The following RP1 variants were observed in gnomAD, a reference collection of about 807,000 sequenced individuals.
The protein encoded by RP1 is RP1 axonemal microtubule associated, also known as oxygen-regulated protein 1.
Under a neutral mutation model 14.8 loss-of-function variants are expected in RP1, and 16 were observed. The observed-to-expected ratio is 1.08, with a 90% confidence interval of 0.73 to 1.65. The LOEUF (loss-of-function observed/expected upper bound fraction) is 1.65, where lower values mean the gene tolerates loss of function less well. Ranked by LOEUF, RP1 falls within the 40% of genes most tolerant of loss-of-function variation. The pLI, the probability that RP1 is intolerant of heterozygous loss-of-function variation, is 0.00. For missense variants in RP1, 2,631 were observed against 2,535.0 expected (o/e 1.04, Z -0.81); for synonymous variants, 876 against 883.6 (o/e 0.99, Z 0.15).
At chr8:54,796,911 G>A (rs1323351239) in intron 24 of RP1, among the ~76,000 whole-genome samples, 2 of 152,168 alleles carry the variant, frequency 1.3e-5, no homozygotes, top group South Asian at 2.1e-4. Context: ...GGATGTTAGT[G>A]CCTTTCAAAA....
At chr8:54,737,084 G>T (rs1389772121) in intron 18 of RP1, among the ~76,000 whole-genome samples, 3 of 152,010 alleles carry the variant, frequency 2.0e-5, no homozygotes, top group Admixed American at 1.3e-4. Context: ...AGCCATTTTT[G>T]AGGACAATGT....
intron 16 of RP1, among the ~76,000 whole-genome samples, chr8:54,723,496 G>T (rs1045201309): frequency 1.3e-5 from 2 of 151,946 alleles, no homozygotes; most frequent in African/African-American, 4.8e-5. Context: ...AACTGTTCTT[G>T]CTAGCTTGTG....
In RP1 at chr8:54,629,846, A is replaced by G. The variant is rs1806201377; in HGVS notation, c.5964A>G (p.Ile1988Met). Residue 1988 changes from isoleucine to methionine, a missense_variant, in exon 4 of 4, where the codon ATA becomes ATG. Ile to Met is a conservative substitution (Grantham distance 10). Transcript: ENST00000220676. ...QNLIDNAIGD[I>M]FDQFYFSNTF... The stretch of plus-strand genomic sequence containing the variant: ...TTATTGATAATGCCATTGGTGATAT[A>G]TTTGATCAGTTTTATTTCAGTAACA... 3.1e-6 allele frequency: 5 copies of G among 1,613,754 alleles called. No individual in the cohort carries two copies. The highest frequency in any genetic ancestry group is 4.2e-6 in the Non-Finnish European group (5 of 1,179,898).
chr8:54,635,997 A>T (rs1747826110), intron 3 of RP1, among the ~76,000 whole-genome samples: 1 of 151,536 alleles, frequency 6.6e-6, no homozygotes, highest in Non-Finnish European at 1.5e-5. Context: ...CTCCCCACTG[A>T]CCCCTTGCTG....
chr8:54,859,393 A>G (rs1416990713), intron 27 of RP1, among the ~76,000 whole-genome samples: 1 of 147,690 alleles, frequency 6.8e-6, no homozygotes, highest in East Asian at 2.1e-4. Context: ...ATGGAGTGGT[A>G]TCACTGTAGG....
Position 54,621,386 on chromosome 8 carries a change from CCCCGTAGCCGTCGCTGCT to C in RP1, c.425_442del (p.Val142_Pro147del). 1 of 1,612,966 alleles carries C rather than the reference CCCCGTAGCCGTCGCTGCT, an allele frequency of 6.2e-7. No homozygotes were observed. On this transcript the variant is annotated inframe_deletion, in exon 2 of 4. Coordinates refer to ENST00000220676, the MANE Select transcript of RP1 (RefSeq NM_006269.2). Reference sequence around the variant, plus strand: ...CCATTAGCGCGCACTCACCGCCCCACCCCGTAGCCGTCGCTGCTCCCGGCATGCCCCGCCCCCCACGGA... The same window carrying C: ...CCATTAGCGCGCACTCACCGCCCCACCCCGGCATGCCCCGCCCCCCACGGA...
At chr8:54,793,440 G>A (rs1810515377) in intron 24 of RP1, among the ~76,000 whole-genome samples, 1 of 151,862 alleles carries the variant, frequency 6.6e-6, no homozygotes, top group Admixed American at 6.6e-5. Flanking sequence ...CAAAATACTG[G>A]CAAACACAAT....
At chr8:54,743,780 T>G (rs1809155554) in intron 19 of RP1, among the ~76,000 whole-genome samples, 1 of 152,196 alleles carries the variant, frequency 6.6e-6, no homozygotes, top group Non-Finnish European at 1.5e-5. Flanking sequence ...AGAATGGTTT[T>G]TAGACACCAG....
chr8:54,696,684 T>C lies in RP1; in HGVS notation c.1718-2783T>C, dbSNP rs188208439. On this transcript the variant is annotated intron_variant, in intron 12 of 22. Coordinates refer to the RP1 transcript ENST00000636932. The stretch of plus-strand genomic sequence containing the variant: ...GCCTTTGTTGTACGCATCAAAAGGA[T>C]TGATGGTGTGATTTTACTGGTGCAG... 1.8e-4 allele frequency: 134 copies of C among 744,322 alleles called. 1 individual carries two copies. In the African/African-American group the frequency reaches 2.2e-3, roughly 12 times the overall value. The allele number at this position is 744,322 out of a possible 1,614,324, so 46.1% of individuals were successfully genotyped here. A position where few individuals can be genotyped will look rare whatever the true frequency, so the allele number is the denominator to read the frequency against.
chr8:54,800,130 GT>G (rs916877812), intron 24 of RP1, among the ~76,000 whole-genome samples: 242 of 151,906 alleles, frequency 1.6e-3, no homozygotes, highest in East Asian at 9.7e-4. Context: ...TGGATTGCCA[GT>G]TTTTTTTCTT....
intron 19 of RP1, among the ~76,000 whole-genome samples, chr8:54,745,742 G>GA (rs1173214621): frequency 6.0e-5 from 9 of 150,622 alleles, no homozygotes; most frequent in South Asian, 4.2e-4. Context: ...ATGTTTCAGT[G>GA]AAAAAATGGT....
intron 3 of RP1, chr8:54,648,954 A>T (rs1269979062): frequency 6.9e-7 from 1 of 1,454,502 alleles, no homozygotes; most frequent in Non-Finnish European, 9.0e-7. Context: ...ATCAGTTGCC[A>T]TAATGCTGTA....
In RP1 at chr8:54,862,016, G is replaced by A. The variant is rs542792460; in HGVS notation, c.4070-3819G>A. On this transcript the variant is annotated intron_variant, in intron 27 of 28. Transcript: ENST00000637698. ...ACAATGTCTGGAGGCTGTTTTGGTT[G>A]TCACAGCTGGTAGGTGTTACTACCA... Among the ~76,000 whole-genome samples, 571 of 152,214 alleles carry A rather than the reference G, an allele frequency of 3.8e-3. 4 individuals are homozygous for A. The highest frequency in any genetic ancestry group is 0.013 in the African/African-American group (553 of 41,522).
rs79529880 is a variant in RP1, at chr8:54,810,728, A to T, written c.3616-26722A>T. Among the ~76,000 whole-genome samples the T allele has an allele frequency of 2.1e-3, 326 of 152,310 alleles. 4 individuals are homozygous for T. Among genetic ancestry groups the T allele is most frequent in the African/African-American group, 7.2e-3 (301 of 41,582 alleles). ...CAACACTGTGCCTGCTTGCTGTTTAATGTTGTTCCTGGAGAAGAGGGAAGG... is the reference window on the plus strand; with the variant it reads ...CAACACTGTGCCTGCTTGCTGTTTATTGTTGTTCCTGGAGAAGAGGGAAGG... On this transcript the variant is annotated intron_variant, in intron 24 of 28. Coordinates refer to the RP1 transcript ENST00000637698.
chr8:54,845,520 C>A (rs895165470), intron 25 of RP1, among the ~76,000 whole-genome samples: 1 of 152,194 alleles, frequency 6.6e-6, no homozygotes, highest in Non-Finnish European at 1.5e-5. Context: ...TGCAGCAGTG[C>A]CCTCAGAAGT....
intron 12 of RP1, chr8:54,696,426 C>A: frequency 1.4e-6 from 1 of 725,414 alleles, no homozygotes; most frequent in Non-Finnish European, 2.4e-6. Context: ...AGAAAAAATC[C>A]CTTTGTTCCA....
intron 14 of RP1, among the ~76,000 whole-genome samples, chr8:54,705,161 G>A (rs1808119580): frequency 6.6e-6 from 1 of 151,850 alleles, no homozygotes; most frequent in Admixed American, 6.6e-5. Flanking sequence ...GAGTTTGGGG[G>A]ACCCCGAGAC....
chr8:54,702,882 T>C (rs1224235114), intron 14 of RP1, among the ~76,000 whole-genome samples: 1 of 152,216 alleles, frequency 6.6e-6, no homozygotes, highest in Non-Finnish European at 1.5e-5. Context: ...TTCAACAAAT[T>C]ACATTCTTTG....
At chr8:54,607,981 C>T (rs1372189556) in intron 1 of RP1, among the ~76,000 whole-genome samples, 1 of 152,090 alleles carries the variant, frequency 6.6e-6, no homozygotes, top group Non-Finnish European at 1.5e-5. Flanking sequence ...TCCCTGACCC[C>T]TTGCACTTCC....
Sources: gnomAD v4.1 joint callset for allele counts (sites outside exome capture counted in the v4.1 genomes callset) on GRCh38, gnomAD v4.1.1 for gene constraint, MANE v1.5 for transcripts, NCBI Gene and HGNC (gene_info 2026-07-23, HGNC 2026-07-21) for gene names.